OGN: variants seen among roughly 807,000 people sequenced by gnomAD.
The protein encoded by OGN is mimecan.
A neutral mutation model predicts 30.8 loss-of-function variants in OGN; 19 were observed. That is an observed-to-expected ratio of 0.62 (90% CI 0.43 to 0.90). The LOEUF is 0.90. Among genes scored for constraint, OGN ranks in the 40% least tolerant of loss-of-function variants. OGN has a pLI of 0.00. For missense variants in OGN, 283 were observed against 349.7 expected, an observed-to-expected ratio of 0.81 and a Z score of 1.52; for synonymous variants, 126 against 128.3, an observed-to-expected ratio of 0.98 and a Z score of 0.12.
chr9:92,393,060 T>G, intron 4 of OGN, 26 bp downstream of exon 4: 1 of 1,595,290 alleles, frequency 6.3e-7, no homozygotes, highest in Non-Finnish European at 8.6e-7. Context: ...GAGTTAATAC[T>G]AATATCATAT....
chr9:92,394,896 C>G (rs185823453), intron 3 of OGN, among the ~76,000 whole-genome samples: 1 of 152,248 alleles, frequency 6.6e-6, no homozygotes, highest in Non-Finnish European at 1.5e-5. Context: ...TGTGAGCCAC[C>G]ACGCCCGGCC....
At chr9:92,390,574 G>T (rs1842632006) in intron 4 of OGN, among the ~76,000 whole-genome samples, 1 of 150,976 alleles carries the variant, frequency 6.6e-6, no homozygotes, top group Admixed American at 6.6e-5. Context: ...GTGTGTGTGT[G>T]TGTGTGTGTG....
intron 5 of OGN, among the ~76,000 whole-genome samples, chr9:92,386,909 G>A (rs1261039892): frequency 1.3e-5 from 2 of 151,798 alleles, no homozygotes; most frequent in Admixed American, 6.6e-5. Context: ...TTAGACAGGC[G>A]TGGTGGTGGG....
chr9:92,397,760 T>C (rs1480970685), intron 3 of OGN, among the ~76,000 whole-genome samples: 1 of 152,188 alleles, frequency 6.6e-6, no homozygotes, highest in African/African-American at 2.4e-5. Context: ...AATGTGTGTG[T>C]TTATTTGTCT....
At chr9:92,399,880 A>G (rs1843037483) in intron 3 of OGN, among the ~76,000 whole-genome samples, 2 of 152,164 alleles carry the variant, frequency 1.3e-5, no homozygotes, top group East Asian at 1.9e-4. Context: ...ATATACCAGT[A>G]TCGCACTTTT....
At chr9:92,387,747 C>T (rs1238336456) in intron 5 of OGN, among the ~76,000 whole-genome samples, 2 of 151,986 alleles carry the variant, frequency 1.3e-5, no homozygotes, top group African/African-American at 4.8e-5. Context: ...AACTATAGGG[C>T]AGCTGAATTT....
chr9:92,389,751 A>G (rs868726468), intron 5 of OGN, 103 bp downstream of exon 5: 5 of 713,158 alleles, frequency 7.0e-6, no homozygotes, highest in Non-Finnish European at 1.1e-5. Context: ...TTAAATCAAA[A>G]TAGTTTTTAA....
chr9:92,388,885 C>A (rs2130889219), intron 5 of OGN, among the ~76,000 whole-genome samples: 1 of 151,360 alleles, frequency 6.6e-6, no homozygotes, highest in African/African-American at 2.4e-5. Flanking sequence ...CTAAGAGTCC[C>A]TTAACTTCTG....
intron 5 of OGN, among the ~76,000 whole-genome samples, chr9:92,388,349 A>G (rs932045283): frequency 9.2e-5 from 14 of 151,896 alleles, no homozygotes; most frequent in African/African-American, 3.4e-4. Context: ...TTTAGTGGAG[A>G]CAGAGTTTCA....
chr9:92,386,073 A>G, intron 6 of OGN, 128 bp downstream of exon 6: 1 of 698,106 alleles, frequency 1.4e-6, no homozygotes, highest in Non-Finnish European at 2.5e-6. Context: ...ATAGGCAGAC[A>G]TTTAGCTATC....
At chr9:92,393,830 A>G (rs947526194) in intron 3 of OGN, among the ~76,000 whole-genome samples, 3 of 152,064 alleles carry the variant, frequency 2.0e-5, no homozygotes, top group Admixed American at 2.0e-4. Context: ...TTTATTCTGC[A>G]GAATGCCTTT....
chr9:92,400,781 C>T (rs1843080129), intron 3 of OGN, among the ~76,000 whole-genome samples: 1 of 152,174 alleles, frequency 6.6e-6, no homozygotes, highest in South Asian at 2.1e-4. Context: ...ACTGAGGCTG[C>T]ACATTGTATT....
chr9:92,387,432 A>C (rs1842481370), intron 5 of OGN, among the ~76,000 whole-genome samples: 2 of 152,074 alleles, frequency 1.3e-5, no homozygotes, highest in Non-Finnish European at 2.9e-5. Flanking sequence ...CAGTTTAGCA[A>C]ACAGTTAGCT....
chr9:92,388,505 G>T (rs995090577), intron 5 of OGN, among the ~76,000 whole-genome samples: 3 of 151,764 alleles, frequency 2.0e-5, no homozygotes, highest in Non-Finnish European at 4.4e-5. Context: ...TATTCAAAGA[G>T]TGACCAACTC....
At chr9:92,394,683 C>T (rs1315652853) in intron 3 of OGN, among the ~76,000 whole-genome samples, 2 of 151,944 alleles carry the variant, frequency 1.3e-5, no homozygotes, top group East Asian at 3.9e-4. Flanking sequence ...CGGCTCACTG[C>T]AGTCTCCGCC....
Position 92,385,558 on chromosome 9 carries a change from T to A in OGN, c.*62A>T, listed in dbSNP as rs1053441. 528,096 of 1,401,328 alleles carry A rather than the reference T, an allele frequency of 0.38. 108,816 individuals are homozygous for A. Among genetic ancestry groups the A allele is most frequent in the African/African-American group, 0.82 (57,210 of 70,140 alleles). 86.8% of individuals were successfully genotyped at this position (1,401,328 alleles called of 1,614,324 possible). On this transcript the variant is annotated 3_prime_UTR_variant, in exon 7 of 7. Transcript: ENST00000375561. ...TAAACCAATACTTAAGTTCCTTTACTCATTGTTGAGACAGACTATTAGTGT... is the reference window on the plus strand; with the variant it reads ...TAAACCAATACTTAAGTTCCTTTACACATTGTTGAGACAGACTATTAGTGT...
chr9:92,398,543 TG>T (rs1457025749), intron 3 of OGN, among the ~76,000 whole-genome samples: 3 of 152,140 alleles, frequency 2.0e-5, no homozygotes, highest in African/African-American at 7.2e-5. Flanking sequence ...TTTTGCACTT[TG>T]TTTTTTTTTT....
chr9:92,392,282 G>T (rs550728370), intron 4 of OGN, among the ~76,000 whole-genome samples: 2 of 152,240 alleles, frequency 1.3e-5, no homozygotes, highest in East Asian at 1.9e-4. Context: ...CCCTACCCCA[G>T]ATCTGAATTA....
intron 2 of OGN, among the ~76,000 whole-genome samples, chr9:92,401,956 G>A (rs895879438): frequency 2.0e-5 from 3 of 152,106 alleles, no homozygotes; most frequent in Non-Finnish European, 4.4e-5. Flanking sequence ...CCATCTGTGT[G>A]GTGGTTGAAC....
Sources: allele counts gnomAD v4.1 joint callset (sites outside exome capture counted in the v4.1 genomes callset), GRCh38; gene constraint gnomAD v4.1.1; transcripts MANE v1.5; gene names NCBI Gene and HGNC (gene_info 2026-07-23, HGNC 2026-07-21).